Variants in SAMD8 observed in about 807,000 individuals in gnomAD.
SAMD8 encodes the protein sphingomyelin synthase-related protein 1.
A neutral mutation model predicts 42.0 loss-of-function variants in SAMD8; 20 were observed. The ratio of observed to expected loss-of-function variants is 0.48; its 90% confidence interval spans 0.34 to 0.69. The LOEUF is 0.69. SAMD8 is among the 30% of genes least tolerant of loss of function. The pLI, the probability that SAMD8 is intolerant of heterozygous loss-of-function variation, is 0.01. For missense variants in SAMD8, 328 were observed against 511.6 expected, an observed-to-expected ratio of 0.64 and a Z score of 3.46; for synonymous variants, 162 against 173.0, an observed-to-expected ratio of 0.94 and a Z score of 0.50.
At chr10:75,123,424 G>C (rs998230908) in intron 1 of SAMD8, among the ~76,000 whole-genome samples, 2 of 152,128 alleles carry the variant, frequency 1.3e-5, no homozygotes, top group Admixed American at 6.5e-5. Context: ...TAAGAGAGGG[G>C]GAGAGACTTG....
chr10:75,150,627 A>G lies in SAMD8; in HGVS notation c.99A>G (p.Leu33=). ...DEGFFEYVDI[L]CNKHRLDGIT... ...GCTTTTTTGAATATGTGGACATTTTATGCAATAAGCACCGACTTGATGGAA... is the reference window on the plus strand; with the variant it reads ...GCTTTTTTGAATATGTGGACATTTTGTGCAATAAGCACCGACTTGATGGAA... Residue 33 remains leucine (L), a synonymous_variant, in exon 2 of 6, where the codon TTA becomes TTG. Transcript: ENST00000542569. The G allele has an allele frequency of 4.3e-6, 7 of 1,614,238 alleles. No individual in the cohort carries two copies. The highest frequency in any genetic ancestry group is 5.1e-6 in the Non-Finnish European group (6 of 1,180,046).
chr10:75,150,364 C>A (rs1017991513), intron 1 of SAMD8, 150 bp from the exon 2 acceptor site: 3 of 1,305,598 alleles, frequency 2.3e-6, no homozygotes, highest in Admixed American at 3.1e-5. Context: ...TTAAGTGATC[C>A]TCCCAACTCA....
At chr10:75,131,373 A>G (rs950030254) in intron 1 of SAMD8, among the ~76,000 whole-genome samples, 3 of 152,338 alleles carry the variant, frequency 2.0e-5, no homozygotes, top group East Asian at 1.9e-4. Context: ...TCTACTAATT[A>G]CTACATAATA....
At chr10:75,156,620 C>T (rs1453243764) in intron 2 of SAMD8, among the ~76,000 whole-genome samples, 1 of 151,376 alleles carries the variant, frequency 6.6e-6, no homozygotes, top group Non-Finnish European at 1.5e-5. Context: ...ACAGCATCAC[C>T]TATGTAATCA....
At chr10:75,155,291 G>T (rs1187009229) in intron 2 of SAMD8, among the ~76,000 whole-genome samples, 1 of 152,018 alleles carries the variant, frequency 6.6e-6, no homozygotes, top group Non-Finnish European at 1.5e-5. Flanking sequence ...GAAAATTAAG[G>T]GTTTGGTTTT....
At chr10:75,105,432 G>A (rs750747559) in intron 1 of SAMD8, among the ~76,000 whole-genome samples, 2 of 152,198 alleles carry the variant, frequency 1.3e-5, no homozygotes, top group Non-Finnish European at 2.9e-5. Flanking sequence ...GATATGGGTT[G>A]GGGGTCCTAC....
At chr10:75,175,113 A>G (rs191458786) in intron 4 of SAMD8, among the ~76,000 whole-genome samples, 37 of 152,336 alleles carry the variant, frequency 2.4e-4, no homozygotes, top group Admixed American at 7.2e-4. Flanking sequence ...GACTAAAAAA[A>G]GGAAAGGTAA....
chr10:75,105,580 T>C, intron 1 of SAMD8: 2 of 1,329,624 alleles, frequency 1.5e-6, no homozygotes, highest in South Asian at 1.3e-5. Flanking sequence ...CCTGGAAGAA[T>C]CCAATCCTAT....
At chr10:75,137,047 C>A (rs775669674) in intron 1 of SAMD8, among the ~76,000 whole-genome samples, 1 of 152,160 alleles carries the variant, frequency 6.6e-6, no homozygotes, top group Non-Finnish European at 1.5e-5. Flanking sequence ...AGCAGAATTA[C>A]TGTACAAGCC....
At chr10:75,124,577 C>T (rs911395933) in intron 1 of SAMD8, among the ~76,000 whole-genome samples, 1 of 147,762 alleles carries the variant, frequency 6.8e-6, no homozygotes, top group African/African-American at 2.5e-5. Flanking sequence ...GGTACCATTG[C>T]ACTCCAGCCT....
chr10:75,158,032 G>T (rs1013707675), intron 2 of SAMD8, among the ~76,000 whole-genome samples: 1 of 151,938 alleles, frequency 6.6e-6, no homozygotes, highest in African/African-American at 2.4e-5. Flanking sequence ...GGTGGTGCAT[G>T]CCTGTAATCC....
Position 75,178,688 on chromosome 10 carries a change from T to C in SAMD8, c.*1996T>C, listed in dbSNP as rs949281298. ...AAACTAGAGTGTGTTATAACGCCTATGAATAACCACTGCATTCCAGCCCGG... is the reference window on the plus strand; with the variant it reads ...AAACTAGAGTGTGTTATAACGCCTACGAATAACCACTGCATTCCAGCCCGG... On this transcript the variant is annotated 3_prime_UTR_variant, in exon 6 of 6. Transcript: ENST00000542569. 2 of 152,152 alleles carry C rather than the reference T, an allele frequency of 1.3e-5. No individual in the cohort carries two copies. Among genetic ancestry groups the C allele is most frequent in the African/African-American group, 4.8e-5 (2 of 41,412 alleles). 9.4% of individuals were successfully genotyped at this position (152,152 alleles called of 1,614,324 possible).
At chr10:75,113,390 CTT>C (rs202162870) in intron 1 of SAMD8, among the ~76,000 whole-genome samples, 8 of 144,516 alleles carry the variant, frequency 5.5e-5, no homozygotes, top group Non-Finnish European at 3.1e-5. Flanking sequence ...TCTTTCCTTT[CTT>C]TTTTTTTTTT....
In SAMD8 at chr10:75,106,499, C is replaced by A. The variant is rs371293243; in HGVS notation, c.-16+6771C>A. 5.1e-4 allele frequency among the ~76,000 whole-genome samples: 77 copies of A among 152,284 alleles called. 1 individual carries two copies. The South Asian group carries it at 7.3e-3, about 14-fold the overall frequency. On this transcript the variant is annotated intron_variant, in intron 1 of 3. Transcript: ENST00000447533. ...TCCTCCACAGGCTTTCTTGACCGCT[C>A]AAAGTATTGCTTGAATCACAAAGCA...
intron 4 of SAMD8, among the ~76,000 whole-genome samples, chr10:75,172,985 A>C (rs1357028699): frequency 6.6e-6 from 1 of 152,052 alleles, no homozygotes; most frequent in Non-Finnish European, 1.5e-5. Flanking sequence ...GAAAAGAGAA[A>C]ATTTTCCATA....
upstream of SAMD8, among the ~76,000 whole-genome samples, chr10:75,107,243 G>A (rs1405806099): frequency 6.6e-6 from 1 of 151,744 alleles, no homozygotes. Context: ...GCTGAGACAC[G>A]AAAATTGCTT....
intron 4 of SAMD8, among the ~76,000 whole-genome samples, chr10:75,172,158 G>C (rs540065265): frequency 6.6e-6 from 1 of 152,174 alleles, no homozygotes; most frequent in South Asian, 2.1e-4. Flanking sequence ...TTGATGAAAG[G>C]TAATATCTAA....
At chr10:75,111,643 C>T, upstream of SAMD8, 1 of 1,244,994 alleles carries the variant, frequency 8.0e-7, no homozygotes, top group African/African-American at 1.5e-5. Flanking sequence ...TCCGGCGAGG[C>T]GGGGAGGGCC....
intron 1 of SAMD8, among the ~76,000 whole-genome samples, chr10:75,117,059 C>A (rs564149946): frequency 3.3e-5 from 5 of 152,166 alleles, no homozygotes; most frequent in East Asian, 1.9e-4. Context: ...CATCCACCCC[C>A]CTTGGCCTCC....
Sources: gnomAD v4.1 joint callset for allele counts (sites outside exome capture counted in the v4.1 genomes callset) on GRCh38, gnomAD v4.1.1 for gene constraint, MANE v1.5 for transcripts, NCBI Gene and HGNC (gene_info 2026-07-23, HGNC 2026-07-21) for gene names.